The following EFCAB6 variants were observed in gnomAD, a reference collection of about 807,000 sequenced individuals.
EFCAB6 encodes EF-hand calcium binding domain 6, also known as EF-hand calcium-binding domain-containing protein 6.
A neutral mutation model predicts 169.8 loss-of-function variants in EFCAB6; 156 were observed. The ratio of observed to expected loss-of-function variants is 0.92; its 90% CI spans 0.81 to 1.05. The LOEUF is 1.05. Ranked by LOEUF, EFCAB6 falls within the 50% of genes least tolerant of loss-of-function variation. The pLI is 0.00. For synonymous variants in EFCAB6, 698 were observed against 676.4 expected (o/e 1.03, Z -0.50); for missense variants, 1,800 against 1,829.1 (o/e 0.98, Z 0.29).
At position 43,579,033 on chromosome 22, in the gene EFCAB6, T is replaced by C. The variant is rs571871069; in HGVS notation, c.3228+1431A>G. Among the ~76,000 whole-genome samples the C allele has an allele frequency of 2.7e-5, 4 of 149,358 alleles. No individual in the cohort carries two copies. The East Asian group carries it at 8.0e-4, about 30-fold the overall frequency. ...AGGCATCATACCCTACATGCAGGCA[T>C]CATTCCCTACACGCAGGCATCATTC... is the stretch of plus-strand genomic sequence containing the variant. On this transcript the variant is annotated intron_variant, in intron 25 of 31. Coordinates refer to ENST00000262726, the MANE Select transcript of EFCAB6 (RefSeq NM_022785.4).
chr22:43,737,746 C>A (rs1223329842), intron 6 of EFCAB6, among the ~76,000 whole-genome samples: 1 of 150,968 alleles, frequency 6.6e-6, no homozygotes, highest in African/African-American at 2.4e-5. Flanking sequence ...CACACATGCA[C>A]AGATACAGGC....
intron 20 of EFCAB6, among the ~76,000 whole-genome samples, chr22:43,625,664 C>A (rs1301994028): frequency 1.3e-5 from 2 of 152,242 alleles, no homozygotes; most frequent in African/African-American, 4.8e-5. Context: ...GCCTAGGGGG[C>A]AGCACTGCCC....
At chr22:43,540,806 CA>C (rs1789835812) in intron 27 of EFCAB6, among the ~76,000 whole-genome samples, 1 of 152,210 alleles carries the variant, frequency 6.6e-6, no homozygotes, top group Non-Finnish European at 1.5e-5. Flanking sequence ...ACGCAGCCCT[CA>C]GCCCCTGCAC....
At chr22:43,626,868 T>G (rs760008638) in intron 19 of EFCAB6, among the ~76,000 whole-genome samples, 189 bp from the exon 20 acceptor site, 1 of 152,170 alleles carries the variant, frequency 6.6e-6, no homozygotes, top group Non-Finnish European at 1.5e-5. Context: ...CAAGAAATTA[T>G]AAAGCTCTCC....
intron 17 of EFCAB6, among the ~76,000 whole-genome samples, chr22:43,658,580 A>G (rs1027163027): frequency 6.6e-6 from 1 of 152,176 alleles, no homozygotes; most frequent in Admixed American, 6.5e-5. Context: ...AAAGGCCCTG[A>G]GAATACAAAA....
At chr22:43,554,582 G>A (rs1034512172) in intron 27 of EFCAB6, 3 of 428,388 alleles carry the variant, frequency 7.0e-6, no homozygotes, top group African/African-American at 2.0e-5. Context: ...CATTACCTCC[G>A]GGATGCTCCA....
At chr22:43,776,576 T>C (rs1324586521) in intron 3 of EFCAB6, among the ~76,000 whole-genome samples, 1 of 151,938 alleles carries the variant, frequency 6.6e-6, no homozygotes, top group Non-Finnish European at 1.5e-5. Flanking sequence ...CCCGGAAGGA[T>C]AAAAATGAGC....
chr22:43,646,595 C>T (rs982847195), intron 17 of EFCAB6, among the ~76,000 whole-genome samples: 1 of 152,198 alleles, frequency 6.6e-6, no homozygotes, highest in Admixed American at 6.5e-5. Context: ...AGGTAATAGT[C>T]TAATTCAGTA....
intron 27 of EFCAB6, among the ~76,000 whole-genome samples, chr22:43,550,340 A>G (rs2048309627): frequency 6.6e-6 from 1 of 152,068 alleles, no homozygotes; most frequent in Admixed American, 6.5e-5. Context: ...CATCATTCTC[A>G]CTTCCTAGGG....
At position 43,570,848 on chromosome 22, in the gene EFCAB6, G is replaced by C. The variant is rs534498848; in HGVS notation, c.3420+5449C>G. Among the ~76,000 whole-genome samples, 7 of 152,314 alleles carry C rather than the reference G, an allele frequency of 4.6e-5. No individual in the cohort carries two copies. In the East Asian group the frequency reaches 1.4e-3, roughly 29 times the overall value. ...CCTCCTGGGCTGGTTCTCAAGCCCA[G>C]GACAGTGCCAAGAGGATGAGCCCCA... On this transcript the variant is annotated intron_variant, in intron 26 of 31. Coordinates refer to ENST00000262726, the MANE Select transcript of EFCAB6 (RefSeq NM_022785.4).
At chr22:43,736,410 A>T (rs965634079) in intron 6 of EFCAB6, among the ~76,000 whole-genome samples, 1 of 152,246 alleles carries the variant, frequency 6.6e-6, no homozygotes, top group East Asian at 1.9e-4. Context: ...ATATGACTGT[A>T]TATTTCAACC....
intron 26 of EFCAB6, among the ~76,000 whole-genome samples, chr22:43,570,816 C>T (rs548815402): frequency 2.6e-5 from 4 of 152,306 alleles, no homozygotes; most frequent in African/African-American, 7.2e-5. Flanking sequence ...GCTCGCAGGC[C>T]TCTGTGCCTC....
At chr22:43,600,290 C>T (rs1182902386) in intron 22 of EFCAB6, 27 bp from the exon 23 acceptor site, 1 of 1,610,222 alleles carries the variant, frequency 6.2e-7, no homozygotes, top group African/African-American at 1.3e-5. Flanking sequence ...AAACAGAAAG[C>T]ACTTCTCAGT....
chr22:43,534,551 GGAGTTT>G, intron 30 of EFCAB6, 131 bp downstream of exon 30: 4 of 760,112 alleles, frequency 5.3e-6, no homozygotes, highest in Non-Finnish European at 7.9e-6. Flanking sequence ...ACCTAAGCTG[GGAGTTT>G]GAGGCTGCAG....
chr22:43,660,612 A>G (rs2056956654), intron 17 of EFCAB6, among the ~76,000 whole-genome samples: 1 of 152,042 alleles, frequency 6.6e-6, no homozygotes. Context: ...GTATGGCCAC[A>G]TAACACAGTC....
At chr22:43,650,650 C>T (rs2056422895) in intron 17 of EFCAB6, among the ~76,000 whole-genome samples, 1 of 152,000 alleles carries the variant, frequency 6.6e-6, no homozygotes, top group South Asian at 2.1e-4. Context: ...TTGGAGGGCT[C>T]ATAAGAAGAT....
chr22:43,665,968 A>G (rs1264923221), intron 17 of EFCAB6, among the ~76,000 whole-genome samples: 1 of 152,076 alleles, frequency 6.6e-6, no homozygotes, highest in Non-Finnish European at 1.5e-5. Context: ...TCGTATTTTT[A>G]GTAGAGATGG....
At chr22:43,675,407 AGG>A (rs2057700338) in intron 13 of EFCAB6, among the ~76,000 whole-genome samples, 11 of 132,174 alleles carry the variant, frequency 8.3e-5, no homozygotes, top group African/African-American at 2.5e-4. Context: ...AATATAATAT[AGG>A]ATTTATAATA....
chr22:43,724,314 T>A (rs1007099666), intron 8 of EFCAB6, among the ~76,000 whole-genome samples: 2 of 152,086 alleles, frequency 1.3e-5, no homozygotes, highest in African/African-American at 4.8e-5. Context: ...CTCATTTCCA[T>A]CTCAGACCTT....
Sources: allele counts gnomAD v4.1 joint callset (sites outside exome capture counted in the v4.1 genomes callset), GRCh38; gene constraint gnomAD v4.1.1; transcripts MANE v1.5; gene names NCBI Gene and HGNC (gene_info 2026-07-23, HGNC 2026-07-21).